TRPM7: variants seen among roughly 807,000 people sequenced by gnomAD.
TRPM7 encodes transient receptor potential cation channel subfamily M member 7.
TRPM7 carries 134 observed loss-of-function variants against 229.7 expected under a neutral mutation model. The ratio of observed to expected loss-of-function variants is 0.58; its 90% confidence interval spans 0.51 to 0.67. The LOEUF (loss-of-function observed/expected upper bound fraction) is 0.67. TRPM7 is among the 30% of genes least tolerant of loss of function. The pLI is 0.00. For missense variants in TRPM7, 1,901 were observed against 2,210.0 expected, an observed-to-expected ratio of 0.86 and a Z score of 2.80; for synonymous variants, 699 against 715.2, an observed-to-expected ratio of 0.98 and a Z score of 0.36.
intron 1 of TRPM7, among the ~76,000 whole-genome samples, chr15:50,684,389 C>A (rs536765402): frequency 1.3e-5 from 2 of 152,210 alleles, no homozygotes; most frequent in South Asian, 2.1e-4. Flanking sequence ...TGCCTGTAAT[C>A]CCAACACTTT....
Position 50,583,074 on chromosome 15 carries a change from T to A in TRPM7, c.4557+15A>T. On this transcript the variant is annotated intron_variant, in intron 29 of 38. Transcript: ENST00000646667. ...TATTTAATAATATATATCTGTTTAG[T>A]TGAAATCTACAAACCGGTATTAAAG... 1 of 1,567,614 alleles carries A rather than the reference T, an allele frequency of 6.4e-7. No homozygotes were observed.
intron 33 of TRPM7, 110 bp from the exon 34 acceptor site, chr15:50,575,245 A>T: frequency 1.2e-6 from 1 of 868,788 alleles, no homozygotes; most frequent in Non-Finnish European, 1.7e-6. Flanking sequence ...GATAAAATGG[A>T]CCAAGATGTA....
At chr15:50,571,949 A>C (rs1307730988) in intron 36 of TRPM7, among the ~76,000 whole-genome samples, 1 of 152,214 alleles carries the variant, frequency 6.6e-6, no homozygotes, top group Non-Finnish European at 1.5e-5. Context: ...ATGTTATCAA[A>C]TGGCACTGCG....
intron 1 of TRPM7, among the ~76,000 whole-genome samples, chr15:50,673,419 C>G (rs1409192113): frequency 6.6e-6 from 1 of 152,130 alleles, no homozygotes; most frequent in African/African-American, 2.4e-5. Flanking sequence ...CCCTGACCCC[C>G]TTCCCACCCT....
chr15:50,686,390 A>G (rs1476677409), intron 1 of TRPM7, 141 bp downstream of exon 1: 2 of 1,409,176 alleles, frequency 1.4e-6, no homozygotes, highest in Non-Finnish European at 2.0e-6. Context: ...TCCCGAGAGG[A>G]CAAATCCGGA....
chr15:50,658,513 T>G (rs1057384034), intron 2 of TRPM7, among the ~76,000 whole-genome samples: 1 of 148,540 alleles, frequency 6.7e-6, no homozygotes, highest in African/African-American at 2.5e-5. Flanking sequence ...GAGGCTAAAG[T>G]GAGCCATGAT....
chr15:50,605,938 T>G (rs983107899), intron 20 of TRPM7, among the ~76,000 whole-genome samples: 4 of 152,056 alleles, frequency 2.6e-5, no homozygotes, highest in Non-Finnish European at 5.9e-5. Flanking sequence ...GAGTTGGTGT[T>G]TGGAAAAGAA....
Position 50,575,711 on chromosome 15 carries a change from T to G in TRPM7, c.4735+13A>C, listed in dbSNP as rs922324492. ...AATTTTCACTTATTTATTTCTTTAA[T>G]TTTTGGATTTACCTCTTGGAGGCAC... is the stretch of plus-strand genomic sequence containing the variant. On this transcript the variant is annotated intron_variant, in intron 33 of 38. Coordinates refer to ENST00000646667, the MANE Select transcript of TRPM7 (RefSeq NM_017672.6). 6.2e-7 allele frequency: 1 copy of G among 1,604,152 alleles called. No individual in the cohort carries two copies. The highest frequency in any genetic ancestry group is 1.3e-5 in the African/African-American group (1 of 74,512).
intron 23 of TRPM7, 49 bp from the exon 24 acceptor site, chr15:50,594,662 T>TA (rs2059589843): frequency 1.6e-6 from 2 of 1,246,206 alleles, no homozygotes; most frequent in Admixed American, 2.6e-5. Context: ...AATCATCTCT[T>TA]AAAGTTTTAA....
chr15:50,659,149 C>T (rs1033445320), intron 2 of TRPM7, among the ~76,000 whole-genome samples: 19 of 150,688 alleles, frequency 1.3e-4, no homozygotes, highest in African/African-American at 3.7e-4. Context: ...AGTGAGACTA[C>T]GCCACTGCAC....
intron 29 of TRPM7, among the ~76,000 whole-genome samples, chr15:50,581,726 C>T (rs918223609): frequency 1.3e-5 from 2 of 151,854 alleles, no homozygotes; most frequent in South Asian, 2.1e-4. Flanking sequence ...TCATTCTGCC[C>T]GAATTTGAAT....
chr15:50,600,909 C>T lies in TRPM7; in HGVS notation c.2989-1613G>A, dbSNP rs1191591031. Among the ~76,000 whole-genome samples the T allele has an allele frequency of 6.6e-5, 10 of 152,238 alleles. No homozygotes were observed. In the East Asian group the frequency reaches 1.9e-3, roughly 29 times the overall value. ...GCTGGCTCTCTGCAACTTGCAGAGGCCTAACACGCTCCAAAATTCTTAATT... is the reference window on the plus strand; with the variant it reads ...GCTGGCTCTCTGCAACTTGCAGAGGTCTAACACGCTCCAAAATTCTTAATT... On this transcript the variant is annotated intron_variant, in intron 21 of 38. Coordinates refer to ENST00000646667, the MANE Select transcript of TRPM7 (RefSeq NM_017672.6).
chr15:50,672,898 C>CAA (rs35153596), intron 1 of TRPM7, among the ~76,000 whole-genome samples: 2,935 of 26,190 alleles, frequency 0.11, 840 homozygotes, highest in Non-Finnish European at 0.15. Flanking sequence ...GACTCTGTCT[C>CAA]AAAAAAAAAA....
At chr15:50,641,092 G>A (rs375797503) in intron 5 of TRPM7, among the ~76,000 whole-genome samples, 11 of 152,000 alleles carry the variant, frequency 7.2e-5, no homozygotes, top group Admixed American at 3.9e-4. Context: ...TAGCATCTTC[G>A]TAGGTCTTTC....
chr15:50,659,935 G>C (rs1054309322), intron 2 of TRPM7, among the ~76,000 whole-genome samples: 2 of 152,076 alleles, frequency 1.3e-5, no homozygotes, highest in African/African-American at 4.8e-5. Flanking sequence ...AAAGTGCTGG[G>C]ATTACAGGCG....
chr15:50,602,949 T>C (rs1343829742), intron 21 of TRPM7, among the ~76,000 whole-genome samples: 3 of 152,178 alleles, frequency 2.0e-5, no homozygotes, highest in Non-Finnish European at 2.9e-5. Flanking sequence ...TTAAAGTAAC[T>C]AGACACCACT....
intron 5 of TRPM7, among the ~76,000 whole-genome samples, chr15:50,642,201 C>A (rs1013768152): frequency 6.6e-6 from 1 of 152,024 alleles, no homozygotes; most frequent in Non-Finnish European, 1.5e-5. Context: ...CAATGGATTG[C>A]CATTCTTGTA....
intron 4 of TRPM7, among the ~76,000 whole-genome samples, chr15:50,647,997 C>T (rs932064642): frequency 9.9e-5 from 15 of 152,150 alleles, no homozygotes; most frequent in Non-Finnish European, 1.6e-4. Context: ...CCAGGCTGGT[C>T]TCCAACTCCT....
chr15:50,666,263 C>T (rs148375565), intron 1 of TRPM7, among the ~76,000 whole-genome samples: 4 of 151,404 alleles, frequency 2.6e-5, no homozygotes, highest in African/African-American at 9.7e-5. Context: ...ATGGCAAAAC[C>T]CCATCTCTAC....
Sources: gnomAD v4.1 joint callset for allele counts (sites outside exome capture counted in the v4.1 genomes callset) on GRCh38, gnomAD v4.1.1 for gene constraint, MANE v1.5 for transcripts, NCBI Gene and HGNC (gene_info 2026-07-23, HGNC 2026-07-21) for gene names.